Variants in SEMA6D observed in about 807,000 individuals in gnomAD.
SEMA6D encodes the protein semaphorin-6D.
In SEMA6D, 35 loss-of-function variants were observed where a neutral mutation model predicts 106.6. That is an observed-to-expected ratio of 0.33 (90% CI 0.25 to 0.44). The LOEUF (loss-of-function observed/expected upper bound fraction) is 0.44, where lower values mean the gene tolerates loss of function less well. SEMA6D is among the 20% of genes least tolerant of loss of function. The pLI is 1.00. For synonymous variants in SEMA6D, 499 were observed against 487.7 expected, an observed-to-expected ratio of 1.02 and a Z score of -0.31; for missense variants, 1,185 against 1,345.9, an observed-to-expected ratio of 0.88 and a Z score of 1.87.
At chr15:47,353,009 C>T (rs192591144) in intron 1 of SEMA6D, among the ~76,000 whole-genome samples, 26 of 152,068 alleles carry the variant, frequency 1.7e-4, no homozygotes, top group Admixed American at 5.9e-4. Context: ...ACACAGATGT[C>T]GTAAGAGGTA....
chr15:47,276,171 A>G (rs990182542), intron 1 of SEMA6D, among the ~76,000 whole-genome samples: 7 of 152,168 alleles, frequency 4.6e-5, no homozygotes, highest in Non-Finnish European at 7.4e-5. Flanking sequence ...GTAACATAAC[A>G]TAAAAGGTCT....
At chr15:47,290,078 C>T (rs921073100) in intron 1 of SEMA6D, among the ~76,000 whole-genome samples, 5 of 152,082 alleles carry the variant, frequency 3.3e-5, no homozygotes, top group African/African-American at 4.8e-5. Context: ...GCAATACTTC[C>T]GCAGCATACT....
upstream of SEMA6D, among the ~76,000 whole-genome samples, chr15:47,715,587 G>C (rs7180873): frequency 0.2 from 30,789 of 152,108 alleles, 3,602 homozygotes; most frequent in Middle Eastern, 0.26. Flanking sequence ...AGTCTTCACT[G>C]ATAATGTAGA....
At chr15:47,323,139 C>A (rs543268078) in intron 1 of SEMA6D, among the ~76,000 whole-genome samples, 1 of 152,050 alleles carries the variant, frequency 6.6e-6, no homozygotes, top group Non-Finnish European at 1.5e-5. Flanking sequence ...TTTTAGCTCC[C>A]GTAGTTTGGG....
At chr15:47,390,309 CTCT>C (rs1264780123) in intron 1 of SEMA6D, among the ~76,000 whole-genome samples, 1 of 152,046 alleles carries the variant, frequency 6.6e-6, no homozygotes, top group Non-Finnish European at 1.5e-5. Flanking sequence ...CATTTTAAAC[CTCT>C]TCTTCTATTA....
At chr15:47,445,733 A>G (rs2042008487) in intron 2 of SEMA6D, among the ~76,000 whole-genome samples, 1 of 123,564 alleles carries the variant, frequency 8.1e-6, no homozygotes. Context: ...TTACTATTCT[A>G]GTTTAAATTT....
intron 3 of SEMA6D, among the ~76,000 whole-genome samples, chr15:47,488,932 G>A (rs528752710): frequency 6.6e-6 from 1 of 152,324 alleles, no homozygotes; most frequent in Non-Finnish European, 1.5e-5. Flanking sequence ...AAGCATGGAA[G>A]TGATATTCTG....
intron 3 of SEMA6D, among the ~76,000 whole-genome samples, chr15:47,545,748 G>A (rs1178129701): frequency 6.6e-6 from 1 of 152,084 alleles, no homozygotes; most frequent in Non-Finnish European, 1.5e-5. Flanking sequence ...CTGTTACTCA[G>A]AGGACAGAAT....
chr15:47,411,057 G>T (rs1307968736), intron 1 of SEMA6D, among the ~76,000 whole-genome samples: 1 of 151,858 alleles, frequency 6.6e-6, no homozygotes, highest in African/African-American at 2.4e-5. Flanking sequence ...TCTTCTTGGT[G>T]GTCCTCATTT....
At chr15:47,229,121 C>T (rs1029252540) in intron 1 of SEMA6D, among the ~76,000 whole-genome samples, 6 of 152,024 alleles carry the variant, frequency 3.9e-5, no homozygotes, top group African/African-American at 1.4e-4. Context: ...ACATGAGGCT[C>T]TATGCTACTG....
chr15:47,667,575 A>G (rs2078051944), intron 4 of SEMA6D, among the ~76,000 whole-genome samples: 1 of 152,228 alleles, frequency 6.6e-6, no homozygotes, highest in African/African-American at 2.4e-5. Context: ...CTTATAAACA[A>G]TAGAAATTTA....
At chr15:47,237,315 C>T (rs1043271771) in intron 1 of SEMA6D, among the ~76,000 whole-genome samples, 6 of 152,068 alleles carry the variant, frequency 3.9e-5, no homozygotes, top group African/African-American at 1.4e-4. Flanking sequence ...GTTCAATATG[C>T]AATAGTTATT....
At chr15:47,214,775 A>G (rs1449680586) in intron 1 of SEMA6D, among the ~76,000 whole-genome samples, 1 of 152,166 alleles carries the variant, frequency 6.6e-6, no homozygotes, top group Admixed American at 6.6e-5. Context: ...AATTGTTGTT[A>G]AGGTATAAAT....
At chr15:47,343,164 A>C (rs974373978) in intron 1 of SEMA6D, among the ~76,000 whole-genome samples, 15 of 151,950 alleles carry the variant, frequency 9.9e-5, no homozygotes, top group Non-Finnish European at 2.2e-4. Flanking sequence ...TTCACTGAAA[A>C]GTCTTCAGTT....
chr15:47,732,449 C>T (rs1374978549), intron 1 of SEMA6D, among the ~76,000 whole-genome samples: 1 of 152,130 alleles, frequency 6.6e-6, no homozygotes, highest in African/African-American at 2.4e-5. Context: ...TTCCTAGTAA[C>T]AGATTTTCCC....
rs186613996 is a variant in SEMA6D at position 47,304,584 on chromosome 15, C to G, written c.-238-107809C>G. Among the ~76,000 whole-genome samples, 493 of 152,196 alleles carry G rather than the reference C, an allele frequency of 3.2e-3. 3 individuals are homozygous for G. The highest frequency in any genetic ancestry group is 0.011 in the African/African-American group (463 of 41,504). On this transcript the variant is annotated intron_variant, in intron 1 of 19. Transcript: ENST00000558014. ...TTGGTAAAACTACTCCAGGTCTTGT[C>G]CGTATTAGGAATGTCCCAAGATGAT...
chr15:47,348,671 C>T (rs2038142585), intron 1 of SEMA6D, among the ~76,000 whole-genome samples: 1 of 83,790 alleles, frequency 1.2e-5, no homozygotes, highest in Non-Finnish European at 2.4e-5. Context: ...CTCAAGAGTA[C>T]ATCACACACA....
chr15:47,587,007 AG>A (rs1419378855), intron 3 of SEMA6D, among the ~76,000 whole-genome samples: 2 of 150,734 alleles, frequency 1.3e-5, no homozygotes, highest in African/African-American at 2.4e-5. Flanking sequence ...TGAAGTCTCC[AG>A]GGAGTCTGGG....
chr15:47,304,433 TAA>T (rs56185341), intron 1 of SEMA6D, among the ~76,000 whole-genome samples: 177 of 93,728 alleles, frequency 1.9e-3, no homozygotes, highest in African/African-American at 9.4e-3. Flanking sequence ...GCCTTCTAAC[TAA>T]AAAAAAAAAA....
Sources: gnomAD v4.1 joint callset for allele counts (sites outside exome capture counted in the v4.1 genomes callset) on GRCh38, gnomAD v4.1.1 for gene constraint, MANE v1.5 for transcripts, NCBI Gene and HGNC (gene_info 2026-07-23, HGNC 2026-07-21) for gene names.